Variants in SMG7 observed in about 807,000 individuals in gnomAD.
The protein encoded by SMG7 is nonsense-mediated mRNA decay factor SMG7.
Under a neutral mutation model 148.2 loss-of-function variants are expected in SMG7, and 34 were observed. That is an observed-to-expected ratio of 0.23 (90% CI 0.17 to 0.31). SMG7 has a LOEUF of 0.31. SMG7 is among the 10% of genes least tolerant of loss of function. The probability of loss-of-function intolerance (pLI) is 1.00; values close to 1 mark genes in which losing one functional copy is unlikely to be tolerated. For missense variants in SMG7, 1,114 were observed against 1,408.4 expected (o/e 0.79, Z 3.35); for synonymous variants, 492 against 515.1 (o/e 0.96, Z 0.61).
At chr1:183,510,606 A>T (rs2102406072) in intron 1 of SMG7, among the ~76,000 whole-genome samples, 1 of 152,266 alleles carries the variant, frequency 6.6e-6, no homozygotes, top group Admixed American at 6.5e-5. Flanking sequence ...TTGAAAGCTT[A>T]ATTTTTAAAA....
At chr1:183,512,376 G>A (rs949880672) in intron 1 of SMG7, among the ~76,000 whole-genome samples, 1 of 152,202 alleles carries the variant, frequency 6.6e-6, no homozygotes, top group South Asian at 2.1e-4. Flanking sequence ...TGTTTTCCCT[G>A]AGGTATGGAA....
Position 183,482,842 on chromosome 1 carries a change from G to A in SMG7, c.29+10193G>A, listed in dbSNP as rs74715121. ...GGAGGACTAATGTACATGTAATTCTGAAAACAGCTTTGGGCTAATAGGACT... is the reference window on the plus strand; with the variant it reads ...GGAGGACTAATGTACATGTAATTCTAAAAACAGCTTTGGGCTAATAGGACT... On this transcript the variant is annotated intron_variant, in intron 1 of 22. Coordinates refer to ENST00000688051, the MANE Select transcript of SMG7 (RefSeq NM_001375584.1). 7.5e-3 allele frequency among the ~76,000 whole-genome samples: 1,136 copies of A among 152,210 alleles called. 15 individuals carry two copies. Among genetic ancestry groups the A allele is most frequent in the African/African-American group, 0.026 (1,077 of 41,538 alleles).
In SMG7 at chr1:183,515,851, A is replaced by T. The variant is rs145676343; in HGVS notation, c.62-23A>T. 3.4e-6 allele frequency: 5 copies of T among 1,467,818 alleles called. No individual in the cohort carries two copies. The African/African-American group carries it at 4.2e-5, about 12-fold the overall frequency. 90.9% of individuals were successfully genotyped at this position (1,467,818 alleles called of 1,614,324 possible). On this transcript the variant is annotated intron_variant, in intron 2 of 22. Coordinates refer to ENST00000688051, the MANE Select transcript of SMG7 (RefSeq NM_001375584.1). ...TGCTGGGGTTTATCTATCTACCGTT[A>T]TGTTTTTGTTTTTGTTACTCAGATT...
At chr1:183,534,106 A>G (rs1667321696) in intron 10 of SMG7, among the ~76,000 whole-genome samples, 1 of 152,178 alleles carries the variant, frequency 6.6e-6, no homozygotes, top group African/African-American at 2.4e-5. Flanking sequence ...TCACATTTCA[A>G]AGTGAACTTG....
intron 19 of SMG7, 26 bp from the exon 20 acceptor site, chr1:183,549,738 T>C (rs1480247660): frequency 6.2e-7 from 1 of 1,603,786 alleles, no homozygotes; most frequent in Non-Finnish European, 8.5e-7. Flanking sequence ...GGGGTGAGTT[T>C]ATAACTTCAC....
chr1:183,507,742 C>T (rs953445738), intron 1 of SMG7, among the ~76,000 whole-genome samples: 5 of 152,050 alleles, frequency 3.3e-5, no homozygotes, highest in South Asian at 2.1e-4. Flanking sequence ...GTATATAGTA[C>T]TGAGTGTTTA....
chr1:183,541,176 G>C, intron 13 of SMG7, 73 bp downstream of exon 13: 2 of 1,245,080 alleles, frequency 1.6e-6, no homozygotes, highest in Admixed American at 3.9e-5. Flanking sequence ...ACACGCGCGC[G>C]CACACACACA....
intron 1 of SMG7, among the ~76,000 whole-genome samples, chr1:183,479,172 G>C (rs1298482149): frequency 2.0e-5 from 3 of 152,114 alleles, no homozygotes; most frequent in Non-Finnish European, 2.9e-5. Flanking sequence ...TCTACTAATT[G>C]TCTAAGAAAA....
Position 183,527,726 on chromosome 1 carries a change from G to A in SMG7, c.485-230G>A. 1 of 550,948 alleles carries A rather than the reference G, an allele frequency of 1.8e-6. No homozygotes were observed. Among genetic ancestry groups the A allele is most frequent in the South Asian group, 1.5e-5 (1 of 65,000 alleles). 34.1% of individuals were successfully genotyped at this position (550,948 alleles called of 1,614,324 possible). On this transcript the variant is annotated intron_variant, in intron 5 of 22. Transcript: ENST00000688051. This position sits in a 1 kb window ranked among gnomAD's most constrained non-coding sequence, Gnocchi z 4.0. ...TGACACTGGAGGACCTGAAAATGGG[G>A]TCTAGGTAAGCTTTAAAATTGGTTA...
At position 183,525,022 on chromosome 1, in the gene SMG7, C is replaced by T. The variant is rs562328151; in HGVS notation, c.313-1574C>T. 2.0e-4 allele frequency among the ~76,000 whole-genome samples: 31 copies of T among 152,138 alleles called. No individual in the cohort carries two copies. In the South Asian group the frequency reaches 6.2e-3, roughly 31 times the overall value. On this transcript the variant is annotated intron_variant, in intron 4 of 22. Coordinates refer to ENST00000688051, the MANE Select transcript of SMG7 (RefSeq NM_001375584.1). Reference sequence around the variant, plus strand: ...TGTATCTTTCTTGTTTACTGGGTGTCTGATATACTAGCACATACTTGGATG... The same window carrying T: ...TGTATCTTTCTTGTTTACTGGGTGTTTGATATACTAGCACATACTTGGATG...
In SMG7 at chr1:183,532,421, A is replaced by T. The variant is rs1315248431; in HGVS notation, c.844-743A>T. On this transcript the variant is annotated intron_variant, in intron 8 of 22. Transcript: ENST00000688051. ...ATTGCAGATATTAAAGTAGAAGGGTAATTCCATTGAGACACCAACTGAGAG... is the reference window on the plus strand; with the variant it reads ...ATTGCAGATATTAAAGTAGAAGGGTTATTCCATTGAGACACCAACTGAGAG... 2.0e-5 allele frequency among the ~76,000 whole-genome samples: 3 copies of T among 152,202 alleles called. No homozygotes were observed. The East Asian group carries it at 5.8e-4, about 29-fold the overall frequency.
chr1:183,501,591 T>G (rs1659725005), intron 1 of SMG7, among the ~76,000 whole-genome samples: 1 of 152,220 alleles, frequency 6.6e-6, no homozygotes, highest in Non-Finnish European at 1.5e-5. Flanking sequence ...ACACCTGACA[T>G]ACCACTGGGG....
Position 183,529,423 on chromosome 1 carries a change from G to A in SMG7, c.733G>A (p.Gly245Ser). Residue 245 changes from glycine to serine, a missense_variant, in exon 8 of 23, where the codon GGT (glycine) becomes AGT (serine). By Grantham distance (56) the Gly-to-Ser change is moderately conservative (BLOSUM62 0). Around this residue, in one of 4 missense-constraint regions of SMG7, gnomAD observed 216 missense variants for 329.1 expected, o/e 0.66. Transcript: ENST00000688051. ...ESRDEVKTKW[G>S]VSDFIKAFIK... Reference sequence around the variant, plus strand: ...CCGAGATGAGGTGAAAACCAAGTGGGGTGTTTCTGACTTCATCAAGGCCTT... The same window carrying A: ...CCGAGATGAGGTGAAAACCAAGTGGAGTGTTTCTGACTTCATCAAGGCCTT... 1 of 1,612,564 alleles carries A rather than the reference G, an allele frequency of 6.2e-7. No individual in the cohort carries two copies. Among genetic ancestry groups the A allele is most frequent in the Non-Finnish European group, 8.5e-7 (1 of 1,179,248 alleles).
chr1:183,525,746 A>T (rs1665710322), intron 4 of SMG7, among the ~76,000 whole-genome samples: 1 of 152,178 alleles, frequency 6.6e-6, no homozygotes, highest in Non-Finnish European at 1.5e-5. Flanking sequence ...AGCCCCTCAT[A>T]CTTTAAGAAC....
At chr1:183,546,759 G>A (rs1669991834) in intron 17 of SMG7, among the ~76,000 whole-genome samples, 1 of 152,198 alleles carries the variant, frequency 6.6e-6, no homozygotes, top group Non-Finnish European at 1.5e-5. Context: ...TTTTATTCAT[G>A]AGAAACAGGT....
At position 183,533,341 on chromosome 1, in the gene SMG7, A is replaced by G. The variant is rs1667188975; in HGVS notation, c.1006+15A>G. On this transcript the variant is annotated intron_variant, in intron 9 of 22. Transcript: ENST00000688051. Reference sequence around the variant, plus strand: ...GGCCCTCTTTAGTGAGTATTGAATTACTTAACATGTGCCATCTTTTTTGAA... The same window carrying G: ...GGCCCTCTTTAGTGAGTATTGAATTGCTTAACATGTGCCATCTTTTTTGAA... 1 of 1,604,846 alleles carries G rather than the reference A, an allele frequency of 6.2e-7. No individual in the cohort carries two copies. Among genetic ancestry groups the G allele is most frequent in the Non-Finnish European group, 8.5e-7 (1 of 1,175,160 alleles).
intron 8 of SMG7, among the ~76,000 whole-genome samples, chr1:183,530,296 A>G (rs1001992481): frequency 1.3e-5 from 2 of 152,142 alleles, no homozygotes; most frequent in African/African-American, 4.8e-5. Flanking sequence ...TAAGTTCTTT[A>G]TAAGTCAGGC....
chr1:183,497,979 G>A (rs974724366), intron 1 of SMG7, among the ~76,000 whole-genome samples: 3 of 152,136 alleles, frequency 2.0e-5, no homozygotes, highest in African/African-American at 7.2e-5. Flanking sequence ...GCTAAATAAT[G>A]GCTCTTGTGA....
At chr1:183,546,435 A>G (rs1669945252) in intron 17 of SMG7, 98 bp downstream of exon 17, 2 of 1,283,730 alleles carry the variant, frequency 1.6e-6, no homozygotes, top group Non-Finnish European at 2.2e-6. Flanking sequence ...GGCCACTCTT[A>G]TTCGTTAGTA....
Sources: allele counts gnomAD v4.1 joint callset (sites outside exome capture counted in the v4.1 genomes callset), GRCh38; gene constraint gnomAD v4.1.1; regional missense constraint gnomAD v4.1.1; non-coding constraint Gnocchi (gnomAD v3.1); transcripts MANE v1.5; gene names NCBI Gene and HGNC (gene_info 2026-07-23, HGNC 2026-07-21).